The following TMEM218 variants were observed in gnomAD, a reference collection of about 807,000 sequenced individuals.
TMEM218 encodes transmembrane protein 218.
Under a neutral mutation model 10.0 loss-of-function variants are expected in TMEM218, and 8 were observed. That is an observed-to-expected ratio of 0.80 (90% confidence interval 0.47 to 1.44). TMEM218 has a LOEUF of 1.44. Ranked by LOEUF, TMEM218 falls within the 40% of genes most tolerant of loss-of-function variation. The pLI is 0.00. For missense variants in TMEM218, 110 were observed against 140.1 expected, an observed-to-expected ratio of 0.79 and a Z score of 1.08; for synonymous variants, 66 against 63.5, an observed-to-expected ratio of 1.04 and a Z score of -0.18.
In TMEM218 at chr11:125,108,033, A is replaced by C. The variant is rs1317661583; in HGVS notation, c.-153+3506T>G. ...ATAAATTCAATGCAATCCTAACCAA[A>C]GTCTAAAAACAATTTTTTGTGGAAC... On this transcript the variant is annotated intron_variant, in intron 1 of 4. Transcript: ENST00000682305. This position sits in a 1 kb window ranked among gnomAD's most constrained non-coding sequence, Gnocchi z 5.3. Among the ~76,000 whole-genome samples the C allele has an allele frequency of 6.6e-6, 1 of 152,172 alleles. No individual in the cohort carries two copies. Among genetic ancestry groups the C allele is most frequent in the East Asian group, 1.9e-4 (1 of 5,200 alleles).
In TMEM218 at chr11:125,108,391, T is replaced by C. The variant is rs1404564994; in HGVS notation, c.-153+3148A>G. ...AATAAAACTAGATCTCTATATGATA[T>C]ACAGAAGTTGATTTTAAATGGAAAG... On this transcript the variant is annotated intron_variant, in intron 1 of 4. Transcript: ENST00000682305. The surrounding 1 kb of genome is among the most constrained non-coding windows in gnomAD (Gnocchi z 5.3). Among the ~76,000 whole-genome samples the C allele has an allele frequency of 1.3e-5, 2 of 152,230 alleles. No individual in the cohort carries two copies. The highest frequency in any genetic ancestry group is 4.8e-5 in the African/African-American group (2 of 41,456).
chr11:125,101,870 A>T, intron 3 of TMEM218: 1 of 517,178 alleles, frequency 1.9e-6, no homozygotes, highest in Non-Finnish European at 3.3e-6. Flanking sequence ...ATACACATAC[A>T]GCCTCAAGAA....
At chr11:125,104,218 C>A (rs1184872886) in intron 1 of TMEM218, 1 of 152,266 alleles carries the variant, frequency 6.6e-6, no homozygotes, top group Non-Finnish European at 1.5e-5. Flanking sequence ...TGGGGCCCAC[C>A]TGCATGCCTA....
Position 125,097,386 on chromosome 11 carries a change from A to C in TMEM218, c.*220T>G, listed in dbSNP as rs1949786415. The C allele has an allele frequency of 4.5e-6, 2 of 449,398 alleles. No homozygotes were observed. The highest frequency in any genetic ancestry group is 4.0e-5 in the African/African-American group (2 of 50,474). The allele number at this position is 449,398 out of a possible 1,614,324, so 27.8% of individuals were successfully genotyped here. ...AGGTACGGGTACTAAGAAGATAGCAATATCCTTCTTAAGCTGGTAAGAATC... is the reference window on the plus strand; with the variant it reads ...AGGTACGGGTACTAAGAAGATAGCACTATCCTTCTTAAGCTGGTAAGAATC... On this transcript the variant is annotated 3_prime_UTR_variant, in exon 5 of 5. Transcript: ENST00000682305.
Position 125,094,715 on chromosome 11 carries a change from G to A in TMEM218, c.*2891C>T, listed in dbSNP as rs1461959462. 6.6e-6 allele frequency among the ~76,000 whole-genome samples: 1 copy of A among 152,198 alleles called. No individual in the cohort carries two copies. Among genetic ancestry groups the A allele is most frequent in the Non-Finnish European group, 1.5e-5 (1 of 68,034 alleles). On this transcript the variant is annotated 3_prime_UTR_variant, in exon 5 of 5. Coordinates refer to ENST00000682305, the MANE Select transcript of TMEM218 (RefSeq NM_001258244.2). ...CTTCAACTGCAACAACCATGAAATA[G>A]AGTTGATACTAAAGTTTCTGTTAAA... is the stretch of plus-strand genomic sequence containing the variant.
chr11:125,099,992 C>T, intron 4 of TMEM218, among the ~76,000 whole-genome samples: 1 of 151,602 alleles, frequency 6.6e-6, no homozygotes, highest in Non-Finnish European at 1.5e-5. Context: ...GGTACCCACA[C>T]CTCCAGAGTG....
chr11:125,111,348 G>T (rs1472916982), intron 1 of TMEM218, among the ~76,000 whole-genome samples, 191 bp downstream of exon 1: 2 of 152,152 alleles, frequency 1.3e-5, no homozygotes, highest in Non-Finnish European at 2.9e-5. Context: ...CTTTTCTTAA[G>T]AGCATGAAAC....
Position 125,107,407 on chromosome 11 carries a change from T to C in TMEM218, c.-153+4132A>G, listed in dbSNP as rs74620205. On this transcript the variant is annotated intron_variant, in intron 1 of 4. Coordinates refer to ENST00000682305, the MANE Select transcript of TMEM218 (RefSeq NM_001258244.2). ...CATGTGTAGTATATGGACCCTTATT[T>C]GGTCCTGATTCGAACGAAGCATTGC... Among the ~76,000 whole-genome samples the C allele has an allele frequency of 2.4e-3, 373 of 152,286 alleles. 5 individuals carry two copies. The highest frequency in any genetic ancestry group is 0.014 in the East Asian group (74 of 5,190).
chr11:125,109,324 A>G (rs991568816), intron 1 of TMEM218, among the ~76,000 whole-genome samples: 2 of 152,212 alleles, frequency 1.3e-5, no homozygotes, highest in Admixed American at 6.5e-5. Flanking sequence ...GCAAAAGTAT[A>G]AAAACATGGG....
chr11:125,107,149 T>A (rs897094873), intron 1 of TMEM218, among the ~76,000 whole-genome samples: 2 of 152,192 alleles, frequency 1.3e-5, no homozygotes, highest in Admixed American at 6.5e-5. Flanking sequence ...CAGGTCAAAC[T>A]AATTTTAGGG....
intron 1 of TMEM218, chr11:125,110,577 C>T (rs1346490892): frequency 6.6e-6 from 1 of 152,194 alleles, no homozygotes; most frequent in Non-Finnish European, 1.5e-5. Context: ...CGGTACTCAT[C>T]ACCAGGTTGA....
intron 1 of TMEM218, chr11:125,110,863 T>C: frequency 1.4e-5 from 1 of 70,824 alleles, no homozygotes; most frequent in Non-Finnish European, 3.1e-5. Context: ...GGGGGGGGGG[T>C]TACTTTCACA....
Position 125,101,316 on chromosome 11 carries a change from A to C in TMEM218, c.111-13T>G, listed in dbSNP as rs766222848. On this transcript the variant is annotated splice_polypyrimidine_tract_variant and intron_variant, in intron 3 of 4. Coordinates refer to ENST00000682305, the MANE Select transcript of TMEM218 (RefSeq NM_001258244.2). ...AATGACAGAGAACCTGGGGTTAAAA[A>C]GACAAATTATTAAAAGCACTGTCTA... is the stretch of plus-strand genomic sequence containing the variant. The C allele has an allele frequency of 6.2e-7, 1 of 1,609,002 alleles. No homozygotes were observed. The highest frequency in any genetic ancestry group is 2.2e-5 in the East Asian group (1 of 44,788).
rs758322330 is a variant in TMEM218, at chr11:125,096,206, A to C, written c.*1400T>G. Among the ~76,000 whole-genome samples, 2 of 152,008 alleles carry C rather than the reference A, an allele frequency of 1.3e-5. No individual in the cohort carries two copies. The highest frequency in any genetic ancestry group is 2.9e-5 in the Non-Finnish European group (2 of 67,960). On this transcript the variant is annotated 3_prime_UTR_variant, in exon 5 of 5. Transcript: ENST00000682305. ...GTAGGGATAACTATACCTGGCCCTC[A>C]CCAGCCCATGACTCTCAGTGGTTAC...
chr11:125,099,411 GC>G (rs771457017), intron 4 of TMEM218, among the ~76,000 whole-genome samples: 4 of 152,184 alleles, frequency 2.6e-5, no homozygotes, highest in Non-Finnish European at 5.9e-5. Context: ...TGCTGCAGAG[GC>G]CCGCTCTCAA....
At chr11:125,101,873 C>G in intron 3 of TMEM218, 1 of 518,942 alleles carries the variant, frequency 1.9e-6, no homozygotes, top group Non-Finnish European at 3.3e-6. Flanking sequence ...CACATACAGC[C>G]TCAAGAAACT....
Position 125,097,366 on chromosome 11 carries a change from C to T in TMEM218, c.*240G>A, listed in dbSNP as rs1231761559. On this transcript the variant is annotated 3_prime_UTR_variant, in exon 5 of 5. Transcript: ENST00000682305. ...CAAAACAGTTGGAAATCCTAAGGTA[C>T]GGGTACTAAGAAGATAGCAATATCC... 5 of 369,824 alleles carry T rather than the reference C, an allele frequency of 1.4e-5. No homozygotes were observed. The highest frequency in any genetic ancestry group is 4.2e-5 in the East Asian group (1 of 23,830). 22.9% of individuals were successfully genotyped at this position (369,824 alleles called of 1,614,324 possible).
chr11:125,107,234 C>A (rs1213754215), intron 1 of TMEM218, among the ~76,000 whole-genome samples: 2 of 152,088 alleles, frequency 1.3e-5, no homozygotes, highest in African/African-American at 2.4e-5. Context: ...TGATAAAATT[C>A]TGTTTCTTGA....
At position 125,097,719 on chromosome 11, in the gene TMEM218, C is replaced by T. The variant is rs147078430; in HGVS notation, c.235G>A (p.Gly79Ser). 1.6e-3 allele frequency: 2,516 copies of T among 1,612,958 alleles called. 2 individuals are homozygous for T. The highest frequency in any genetic ancestry group is 2.0e-3 in the Non-Finnish European group (2,316 of 1,179,600). ...EVKIVDDFFI[G>S]RYVLLAFLSA... ...AGGAAAGCCAGCAGGACATAGCGGCCAATGAAAAAGTCATCCACAATCTGG... is the reference window on the plus strand; with the variant it reads ...AGGAAAGCCAGCAGGACATAGCGGCTAATGAAAAAGTCATCCACAATCTGG... The change falls in exon 5 of 5, where the codon GGC (glycine) becomes AGC (serine). Residue 79 changes from glycine to serine, a missense_variant. By Grantham distance (56) the Gly-to-Ser change is moderately conservative (BLOSUM62 0). Coordinates refer to ENST00000682305, the MANE Select transcript of TMEM218 (RefSeq NM_001258244.2).
Sources: gnomAD v4.1 joint callset for allele counts (sites outside exome capture counted in the v4.1 genomes callset) on GRCh38, gnomAD v4.1.1 for gene constraint, Gnocchi (gnomAD v3.1) non-coding constraint, MANE v1.5 for transcripts, NCBI Gene and HGNC (gene_info 2026-07-23, HGNC 2026-07-21) for gene names.